The following STOML2 variants were observed in gnomAD, a reference collection of about 807,000 sequenced individuals.
STOML2 encodes stomatin-like protein 2, mitochondrial.
In STOML2, 22 loss-of-function variants were observed where a neutral mutation model predicts 45.7. The observed-to-expected ratio is 0.48, with a 90% confidence interval of 0.34 to 0.69. STOML2 has a LOEUF of 0.69. Among genes scored for constraint, STOML2 ranks in the 30% least tolerant of loss-of-function variants. STOML2 has a pLI of 0.01. For synonymous variants in STOML2, 181 were observed against 182.7 expected, an observed-to-expected ratio of 0.99 and a Z score of 0.08; for missense variants, 359 against 466.9, an observed-to-expected ratio of 0.77 and a Z score of 2.13.
Position 35,103,060 on chromosome 9 carries a change from A to G in STOML2, c.35T>C (p.Leu12Pro). 6.2e-7 allele frequency: 1 copy of G among 1,613,956 alleles called. No homozygotes were observed. The highest frequency in any genetic ancestry group is 1.1e-5 in the South Asian group (1 of 91,078). Reference sequence around the variant, plus strand: ...TTGCCTCGCTCTCACCCTCAGCAAAAGGGCCCCAGTGCCCCGCGCCGCGCG... The same window carrying G: ...TTGCCTCGCTCTCACCCTCAGCAAAGGGGCCCCAGTGCCCCGCGCCGCGCG... Reference protein sequence around the residue: ...LARAARGTGALLLRGSLLASG... With the variant: ...LARAARGTGAPLLRGSLLASG... The change falls in exon 1 of 10, where the codon CTT (leucine) becomes CCT (proline). Residue 12 changes from leucine to proline, a missense_variant. By Grantham distance (98) the Leu-to-Pro change is moderately conservative. Transcript: ENST00000356493.
chr9:35,101,181 G>T lies in STOML2; in HGVS notation c.678C>A (p.Ile226=), dbSNP rs1829808045. Residue 226 remains isoleucine (I), a synonymous_variant, in exon 7 of 10, where the codon ATC becomes ATA. Transcript: ENST00000356493. This position sits in a 1 kb window ranked among gnomAD's most constrained non-coding sequence, Gnocchi z 4.3. ...NVAEGKKQAQ[I]LASEAEKAEQ... ...CAGCCTTTTCTGCTTCGGAGGCCAG[G>T]ATCTGGGCCTGTTTCTTCCCTTCTG... 6.2e-7 allele frequency: 1 copy of T among 1,614,084 alleles called. No individual in the cohort carries two copies. The highest frequency in any genetic ancestry group is 8.5e-7 in the Non-Finnish European group (1 of 1,180,052).
At position 35,101,570 on chromosome 9, in the gene STOML2, G is replaced by A. The variant is rs773150927; in HGVS notation, c.445-10C>T. 2.5e-6 allele frequency: 4 copies of A among 1,614,054 alleles called. No individual in the cohort carries two copies. The highest frequency in any genetic ancestry group is 1.7e-5 in the Admixed American group (1 of 60,022). On this transcript the variant is annotated splice_polypyrimidine_tract_variant and intron_variant, in intron 5 of 9. Transcript: ENST00000356493. This position sits in a 1 kb window ranked among gnomAD's most constrained non-coding sequence, Gnocchi z 4.3. ...TCAGGGACTCCCGTTCCTGGAAAAA[G>A]AGGTGTAAGCCCCACAGCCTCAACC...
rs1206458283 is a variant in STOML2, at chr9:35,100,931, C to T, written c.804+1G>A. 6.2e-7 allele frequency: 1 copy of T among 1,614,250 alleles called. No homozygotes were observed. Among genetic ancestry groups the T allele is most frequent in the South Asian group, 1.1e-5 (1 of 91,084 alleles). Reference sequence around the variant, plus strand: ...CCCATTCCCACCCAGGGGCCTCTCACATGTTGTGTCAGAGCTGCAGCCAGG... The same window carrying T: ...CCCATTCCCACCCAGGGGCCTCTCATATGTTGTGTCAGAGCTGCAGCCAGG... On this transcript the variant is annotated splice_donor_variant, in intron 8 of 9. Coordinates refer to ENST00000356493, the MANE Select transcript of STOML2 (RefSeq NM_013442.3). LOFTEE classifies it high-confidence loss of function.
Position 35,102,212 on chromosome 9 carries a change from G to C in STOML2, c.184-18C>G, listed in dbSNP as rs552286803. The C allele has an allele frequency of 1.9e-5, 31 of 1,610,074 alleles. No homozygotes were observed. The African/African-American group carries it at 3.7e-4, about 19-fold the overall frequency. On this transcript the variant is annotated intron_variant, in intron 2 of 9. Transcript: ENST00000356493. The surrounding 1 kb of genome is among the most constrained non-coding windows in gnomAD (Gnocchi z 4.8). ...TTCAAACCCTGGAAAGAGGAGTCAT[G>C]GGTCCTCAGAAGGCTGGGAACTATT...
In STOML2 at chr9:35,102,643, T is replaced by TG. The variant is rs1229855225; in HGVS notation, c.183+42dup. On this transcript the variant is annotated intron_variant, in intron 2 of 9. Transcript: ENST00000356493. The surrounding 1 kb of genome is among the most constrained non-coding windows in gnomAD (Gnocchi z 4.8). Reference sequence around the variant, plus strand: ...CCCGACATTGCATGTCGTGAGGGATTGGTCATCTGGCTGGCCCAGGGTGGG... The same window carrying TG: ...CCCGACATTGCATGTCGTGAGGGATTGGGTCATCTGGCTGGCCCAGGGTGGG... 3 of 1,606,402 alleles carry TG rather than the reference T, an allele frequency of 1.9e-6. No homozygotes were observed. Among genetic ancestry groups the TG allele is most frequent in the African/African-American group, 2.7e-5 (2 of 74,698 alleles).
upstream of STOML2, chr9:35,103,193 G>T: frequency 2.1e-6 from 3 of 1,443,128 alleles, no homozygotes; most frequent in Non-Finnish European, 1.9e-6. Flanking sequence ...CCGCTCCCCC[G>T]GATGTACTTC....
chr9:35,101,349 A>C lies in STOML2; in HGVS notation c.580-70T>G. 1 of 1,612,198 alleles carries C rather than the reference A, an allele frequency of 6.2e-7. No individual in the cohort carries two copies. Among genetic ancestry groups the C allele is most frequent in the Admixed American group, 1.7e-5 (1 of 59,810 alleles). ...ATACAGACATGCAACTCTACCCATCATAACAGGAGGGAAGTCTGGATCCTC... is the reference window on the plus strand; with the variant it reads ...ATACAGACATGCAACTCTACCCATCCTAACAGGAGGGAAGTCTGGATCCTC... On this transcript the variant is annotated intron_variant, in intron 6 of 9. Transcript: ENST00000356493. The surrounding 1 kb of genome is among the most constrained non-coding windows in gnomAD (Gnocchi z 4.3).
Position 35,100,622 on chromosome 9 carries a change from G to A in STOML2, c.909C>T (p.Gly303=), listed in dbSNP as rs562562904. ...SNTILLPSNP[G]DVTSMVAQAM... ...CCTGAGCCACCATGCTGGTGACATC[G>A]CCAGGGTTGGAGGGCAGTAGGATAG... Residue 303 remains glycine (G), a synonymous_variant, in exon 9 of 10, where the codon GGC becomes GGT. Transcript: ENST00000356493. 5.0e-6 allele frequency: 8 copies of A among 1,614,030 alleles called. No homozygotes were observed. The highest frequency in any genetic ancestry group is 1.7e-5 in the Admixed American group (1 of 60,020).
Position 35,101,443 on chromosome 9 carries a change from C to G in STOML2, c.562G>C (p.Glu188Gln), listed in dbSNP as rs750556216. Residue 188 changes from glutamate (E) to glutamine (Q), a missense_variant, in exon 6 of 10, where the codon GAG becomes CAG. Coordinates refer to ENST00000356493, the MANE Select transcript of STOML2 (RefSeq NM_013442.3). The surrounding 1 kb of genome is among the most constrained non-coding windows in gnomAD (Gnocchi z 4.3). ...GCCCCCACCTGCATCTGCATAGACT[C>G]TTTCACCCGGGGTGGCACATGGATA... ...KDIHVPPRVK[E>Q]SMQMQVEAER... The G allele has an allele frequency of 6.2e-6, 10 of 1,614,062 alleles. No individual in the cohort carries two copies. The highest frequency in any genetic ancestry group is 8.5e-6 in the Non-Finnish European group (10 of 1,180,042).
At position 35,102,782 on chromosome 9, in the gene STOML2, G is replaced by A; in HGVS notation, c.87C>T (p.Ser29=). The A allele has an allele frequency of 6.2e-7, 1 of 1,614,118 alleles. No individual in the cohort carries two copies. Among genetic ancestry groups the A allele is most frequent in the East Asian group, 2.2e-5 (1 of 44,872 alleles). Residue 29 remains serine, a synonymous_variant, in exon 2 of 10, where the codon TCC becomes TCT. Coordinates refer to ENST00000356493, the MANE Select transcript of STOML2 (RefSeq NM_013442.3). This position sits in a 1 kb window ranked among gnomAD's most constrained non-coding sequence, Gnocchi z 4.8. ...LASGRAPRRA[S]SGLPRNTVVL... The stretch of plus-strand genomic sequence containing the variant: ...CCACGGTGTTTCGGGGCAATCCAGA[G>A]GAGGCGCGGCGCGGAGCGCGGCCAG...
Position 35,102,053 on chromosome 9 carries a change from C to T in STOML2, c.283+42G>A. On this transcript the variant is annotated intron_variant, in intron 3 of 9. Transcript: ENST00000356493. This position sits in a 1 kb window ranked among gnomAD's most constrained non-coding sequence, Gnocchi z 4.8. ...AGCTCTGGATCTACAGCAACCACAT[C>T]CTAATAGCCTCAGAGCACCCATGTC... is the stretch of plus-strand genomic sequence containing the variant. 6.2e-7 allele frequency: 1 copy of T among 1,612,762 alleles called. No homozygotes were observed. The highest frequency in any genetic ancestry group is 8.5e-7 in the Non-Finnish European group (1 of 1,178,792).
Position 35,102,894 on chromosome 9 carries a change from C to T in STOML2, c.46-71G>A. The T allele has an allele frequency of 6.3e-7, 1 of 1,584,910 alleles. No individual in the cohort carries two copies. Among genetic ancestry groups the T allele is most frequent in the Non-Finnish European group, 8.6e-7 (1 of 1,163,596 alleles). ...CGCCGCCCCTCGGTCCTGAAGGCATCTCCATAAACCACGACCCTCAGGATC... is the reference window on the plus strand; with the variant it reads ...CGCCGCCCCTCGGTCCTGAAGGCATTTCCATAAACCACGACCCTCAGGATC... On this transcript the variant is annotated intron_variant, in intron 1 of 9. Transcript: ENST00000356493. This position sits in a 1 kb window ranked among gnomAD's most constrained non-coding sequence, Gnocchi z 4.8.
rs759719698 is a variant in STOML2 at position 35,101,776 on chromosome 9, G to A, written c.378C>T (p.Val126=). The change falls in exon 5 of 10, where the codon GTC becomes GTT. Residue 126 remains valine (V), a synonymous_variant. Coordinates refer to ENST00000356493, the MANE Select transcript of STOML2 (RefSeq NM_013442.3). This position sits in a 1 kb window ranked among gnomAD's most constrained non-coding sequence, Gnocchi z 4.3. ...SYGVEDPEYA[V]TQLAQTTMRS... The stretch of plus-strand genomic sequence containing the variant: ...TCATGGTTGTTTGAGCTAGCTGGGT[G>A]ACGGCATACTCAGGGTCCTCCACAC... 1 of 1,614,164 alleles carries A rather than the reference G, an allele frequency of 6.2e-7. No individual in the cohort carries two copies. The highest frequency in any genetic ancestry group is 1.1e-5 in the South Asian group (1 of 91,070).
In STOML2 at chr9:35,101,542, C is replaced by T; in HGVS notation, c.463G>A (p.Ala155Thr). ...KVFRERESLN[A>T]SIVDAINQAA... ...TGGTTGATGGCATCCACAATGCTGG[C>T]ATTCAGGGACTCCCGTTCCTGGAAA... The change falls in exon 6 of 10, where the codon GCC becomes ACC. Residue 155 changes from alanine (A) to threonine (T), a missense_variant. Ala to Thr is a moderately conservative substitution (Grantham distance 58). Coordinates refer to ENST00000356493, the MANE Select transcript of STOML2 (RefSeq NM_013442.3). The surrounding 1 kb of genome is among the most constrained non-coding windows in gnomAD (Gnocchi z 4.3). 1.2e-6 allele frequency: 2 copies of T among 1,614,114 alleles called. No individual in the cohort carries two copies. The highest frequency in any genetic ancestry group is 1.7e-6 in the Non-Finnish European group (2 of 1,180,028).
In STOML2 at chr9:35,101,986, G is replaced by C. The variant is rs901175778; in HGVS notation, c.284-24C>G. 1 of 1,613,928 alleles carries C rather than the reference G, an allele frequency of 6.2e-7. No individual in the cohort carries two copies. The highest frequency in any genetic ancestry group is 1.1e-5 in the South Asian group (1 of 91,080). Reference sequence around the variant, plus strand: ...GTCTGTAGAACCAGGAGAGAAAACGGGGAAAGTCAGGCCTCTAGGTCCCAA... The same window carrying C: ...GTCTGTAGAACCAGGAGAGAAAACGCGGAAAGTCAGGCCTCTAGGTCCCAA... On this transcript the variant is annotated intron_variant, in intron 3 of 9. Coordinates refer to ENST00000356493, the MANE Select transcript of STOML2 (RefSeq NM_013442.3). The surrounding 1 kb of genome is among the most constrained non-coding windows in gnomAD (Gnocchi z 4.3).
Position 35,102,138 on chromosome 9 carries a change from C to T in STOML2, c.240G>A (p.Lys80=). The T allele has an allele frequency of 1.2e-6, 2 of 1,613,964 alleles. No homozygotes were observed. The highest frequency in any genetic ancestry group is 1.7e-6 in the Non-Finnish European group (2 of 1,179,984). ...GCTCAGGCACGTTGATGACAATTTC[C>T]TTGAGACTCTGCACATATCGGATCC... The part of the protein sequence containing the change: ...LDRIRYVQSL[K]EIVINVPEQS... The change falls in exon 3 of 10, where the codon AAG becomes AAA. Residue 80 remains lysine (K), a synonymous_variant. Transcript: ENST00000356493. This position sits in a 1 kb window ranked among gnomAD's most constrained non-coding sequence, Gnocchi z 4.8.
Position 35,102,971 on chromosome 9 carries a change from G to A in STOML2, c.45+79C>T. On this transcript the variant is annotated intron_variant, in intron 1 of 9. Transcript: ENST00000356493. This position sits in a 1 kb window ranked among gnomAD's most constrained non-coding sequence, Gnocchi z 4.8. ...CCTCTGACCCCAGTCCTCTCCAAAA[G>A]TTGGAATTTCGCTCTTTTCCAGCGG... 1.3e-6 allele frequency: 2 copies of A among 1,598,946 alleles called. No individual in the cohort carries two copies. The highest frequency in any genetic ancestry group is 1.7e-6 in the Non-Finnish European group (2 of 1,170,668).
chr9:35,100,237 T>C (rs1829788563), intron 9 of STOML2, 65 bp from the exon 10 acceptor site: 2 of 1,583,468 alleles, frequency 1.3e-6, no homozygotes, highest in Non-Finnish European at 1.7e-6. Flanking sequence ...AGCCTACCAA[T>C]GGCTAAACGG....
rs779987913 is a variant in STOML2, at chr9:35,100,742, G to C, written c.805-16C>G. 3.1e-6 allele frequency: 5 copies of C among 1,613,974 alleles called. No individual in the cohort carries two copies. In the South Asian group the frequency reaches 4.4e-5, roughly 14 times the overall value. On this transcript the variant is annotated splice_polypyrimidine_tract_variant and intron_variant, in intron 8 of 9. Transcript: ENST00000356493. Reference sequence around the variant, plus strand: ...CATCTCCATTCTGTGATCACAGGGGGATAAAAATCAGAGATCACCGATACG... The same window carrying C: ...CATCTCCATTCTGTGATCACAGGGGCATAAAAATCAGAGATCACCGATACG...
Sources: gnomAD v4.1 joint callset for allele counts on GRCh38, gnomAD v4.1.1 for gene constraint, Gnocchi (gnomAD v3.1) non-coding constraint, MANE v1.5 for transcripts, NCBI Gene and HGNC (gene_info 2026-07-23, HGNC 2026-07-21) for gene names.